Variants in RAB3C observed in about 807,000 individuals in gnomAD.
RAB3C encodes the protein ras-related protein Rab-3C.
A neutral mutation model predicts 26.4 loss-of-function variants in RAB3C; 17 were observed. The ratio of observed to expected loss-of-function variants is 0.64; its 90% CI spans 0.44 to 0.97. The LOEUF (loss-of-function observed/expected upper bound fraction) is 0.97, where lower values mean the gene tolerates loss of function less well. Ranked by LOEUF, RAB3C falls within the 50% of genes least tolerant of loss-of-function variation. RAB3C has a pLI of 0.00. For synonymous variants in RAB3C, 91 were observed against 95.9 expected (o/e 0.95, Z 0.30); for missense variants, 242 against 281.9 (o/e 0.86, Z 1.01).
At chr5:58,644,017 C>T (rs956318231) in intron 2 of RAB3C, among the ~76,000 whole-genome samples, 5 of 151,960 alleles carry the variant, frequency 3.3e-5, no homozygotes, top group Non-Finnish European at 5.9e-5. Flanking sequence ...GTCAGAGTTT[C>T]ACCAAGTGGG....
intron 2 of RAB3C, among the ~76,000 whole-genome samples, chr5:58,632,543 A>G (rs1747205138): frequency 6.6e-6 from 1 of 152,200 alleles, no homozygotes; most frequent in Non-Finnish European, 1.5e-5. Flanking sequence ...ATAAACATTG[A>G]TGATGGATCG....
intron 3 of RAB3C, among the ~76,000 whole-genome samples, chr5:58,792,727 T>C (rs1157432158): frequency 6.6e-6 from 1 of 152,106 alleles, no homozygotes; most frequent in East Asian, 1.9e-4. Context: ...TGAATAATAA[T>C]AGCCTGAAAC....
intron 2 of RAB3C, among the ~76,000 whole-genome samples, chr5:58,724,692 A>G (rs931928599): frequency 2.0e-5 from 3 of 151,830 alleles, no homozygotes; most frequent in African/African-American, 7.2e-5. Context: ...CCAAAAAAAG[A>G]ATTTTTCAGA....
At chr5:58,739,644 A>G (rs994463038) in intron 3 of RAB3C, among the ~76,000 whole-genome samples, 3 of 152,218 alleles carry the variant, frequency 2.0e-5, no homozygotes, top group Admixed American at 1.3e-4. Flanking sequence ...TTCATGTTAG[A>G]CAGAGCCCAT....
At chr5:58,741,297 G>C (rs568511193) in intron 3 of RAB3C, among the ~76,000 whole-genome samples, 1 of 152,264 alleles carries the variant, frequency 6.6e-6, no homozygotes, top group African/African-American at 2.4e-5. Context: ...CATTACATAG[G>C]CATGACTGAT....
chr5:58,810,385 C>CTCTGTGTG (rs879294409), intron 3 of RAB3C, among the ~76,000 whole-genome samples: 1 of 146,912 alleles, frequency 6.8e-6, no homozygotes, highest in Non-Finnish European at 1.5e-5. Context: ...CTCTCTCTCT[C>CTCTGTGTG]TGTGTGTGTG....
intron 1 of RAB3C, among the ~76,000 whole-genome samples, chr5:58,596,797 A>C (rs1190686902): frequency 9.7e-6 from 1 of 102,680 alleles, no homozygotes; most frequent in African/African-American, 4.0e-5. Flanking sequence ...ATTATATATA[A>C]ATTTATAATA....
At chr5:58,633,053 C>A (rs1414563893) in intron 2 of RAB3C, among the ~76,000 whole-genome samples, 1 of 152,154 alleles carries the variant, frequency 6.6e-6, no homozygotes, top group Admixed American at 6.5e-5. Flanking sequence ...TGGCATTTCC[C>A]ACAGTGATTT....
chr5:58,660,488 G>T lies in RAB3C; in HGVS notation c.252+42618G>T, dbSNP rs997876432. On this transcript the variant is annotated intron_variant, in intron 2 of 4. Coordinates refer to ENST00000282878, the MANE Select transcript of RAB3C (RefSeq NM_138453.4). ...CTCATCCTGTTGCCTGGAGTTGGAG[G>T]GATATATCTCATATATTTTCCATAC... Among the ~76,000 whole-genome samples, 27 of 149,946 alleles carry T rather than the reference G, an allele frequency of 1.8e-4. 3 individuals are homozygous for T. The highest frequency in any genetic ancestry group is 6.8e-4 in the African/African-American group (27 of 39,420).
chr5:58,597,799 G>A (rs62644405), intron 1 of RAB3C, among the ~76,000 whole-genome samples: 16,647 of 26,382 alleles, frequency 0.63, 4,964 homozygotes, highest in African/African-American at 0.7. Context: ...TATATAACAT[G>A]TAATACATTA....
chr5:58,608,979 G>T (rs1224983974), intron 1 of RAB3C, among the ~76,000 whole-genome samples: 1 of 152,124 alleles, frequency 6.6e-6, no homozygotes, highest in Non-Finnish European at 1.5e-5. Flanking sequence ...TCTTAGGTGG[G>T]AATTGAACAA....
At chr5:58,670,328 A>G (rs1236585917) in intron 2 of RAB3C, among the ~76,000 whole-genome samples, 2 of 151,654 alleles carry the variant, frequency 1.3e-5, no homozygotes, top group Non-Finnish European at 2.9e-5. Context: ...TTTTTTTTTA[A>G]TTTAAGCTTT....
At chr5:58,793,430 G>A (rs1452063787) in intron 3 of RAB3C, among the ~76,000 whole-genome samples, 2 of 151,578 alleles carry the variant, frequency 1.3e-5, no homozygotes, top group African/African-American at 4.9e-5. Context: ...GGTGGCACAC[G>A]CCTGTAGTCC....
Position 58,750,005 on chromosome 5 carries a change from C to T in RAB3C, c.371+23885C>T, listed in dbSNP as rs113688800. Among the ~76,000 whole-genome samples, 1,036 of 152,112 alleles carry T rather than the reference C, an allele frequency of 6.8e-3. 11 individuals carry two copies. The highest frequency in any genetic ancestry group is 0.023 in the African/African-American group (965 of 41,526). On this transcript the variant is annotated intron_variant, in intron 3 of 4. Transcript: ENST00000282878. The stretch of plus-strand genomic sequence containing the variant: ...ATTCATTATTAATTTATGTGTTAGC[C>T]ATTTCTTTTTTATCTATTATTCTAT...
intron 2 of RAB3C, among the ~76,000 whole-genome samples, chr5:58,703,464 G>A (rs1163204670): frequency 6.6e-6 from 1 of 152,184 alleles, no homozygotes; most frequent in East Asian, 1.9e-4. Flanking sequence ...TTACAGGCAT[G>A]AGCCACCGCG....
intron 1 of RAB3C, among the ~76,000 whole-genome samples, chr5:58,596,544 A>T: frequency 7.8e-6 from 1 of 128,266 alleles, no homozygotes; most frequent in South Asian, 2.3e-4. Flanking sequence ...AATATATAAT[A>T]CTATATAATA....
intron 2 of RAB3C, among the ~76,000 whole-genome samples, chr5:58,620,845 AAG>A (rs1746922039): frequency 6.6e-6 from 1 of 152,138 alleles, no homozygotes; most frequent in Non-Finnish European, 1.5e-5. Flanking sequence ...ATGTTTTTGA[AAG>A]AGTTCACATT....
intron 3 of RAB3C, among the ~76,000 whole-genome samples, chr5:58,812,700 G>A (rs1743119416): frequency 6.6e-6 from 1 of 152,144 alleles, no homozygotes; most frequent in South Asian, 2.1e-4. Context: ...CTAATTAAAA[G>A]TTTCAAAACA....
chr5:58,775,578 A>G (rs1210822794), intron 3 of RAB3C, among the ~76,000 whole-genome samples: 3 of 152,118 alleles, frequency 2.0e-5, no homozygotes, highest in African/African-American at 7.2e-5. Flanking sequence ...TCACTTACAC[A>G]TGATACGTAC....
Sources: allele counts gnomAD v4.1 joint callset (sites outside exome capture counted in the v4.1 genomes callset), GRCh38; gene constraint gnomAD v4.1.1; transcripts MANE v1.5; gene names NCBI Gene and HGNC (gene_info 2026-07-23, HGNC 2026-07-21).